GPATCH1: variants seen among roughly 807,000 people sequenced by gnomAD.
GPATCH1 encodes G-patch domain containing 1.
GPATCH1 carries 73 observed loss-of-function variants against 114.9 expected under a neutral mutation model. The ratio of observed to expected loss-of-function variants is 0.64; its 90% CI spans 0.53 to 0.77. GPATCH1 has a LOEUF of 0.77. GPATCH1 is among the 30% of genes least tolerant of loss of function. GPATCH1 has a pLI of 0.00. For synonymous variants in GPATCH1, 391 were observed against 428.4 expected, an observed-to-expected ratio of 0.91 and a Z score of 1.08; for missense variants, 1,058 against 1,144.3, an observed-to-expected ratio of 0.92 and a Z score of 1.09.
intron 1 of GPATCH1, among the ~76,000 whole-genome samples, chr19:33,084,231 G>C (rs1199236141): frequency 6.6e-6 from 1 of 152,154 alleles, no homozygotes; most frequent in Admixed American, 6.6e-5. Flanking sequence ...GACAGGCATT[G>C]GTAGAGGAGA....
In GPATCH1 at chr19:33,093,800, T is replaced by A. The variant is rs571960069; in HGVS notation, c.455+281T>A. 6.6e-5 allele frequency among the ~76,000 whole-genome samples: 10 copies of A among 152,308 alleles called. No individual in the cohort carries two copies. The South Asian group carries it at 1.9e-3, about 28-fold the overall frequency. On this transcript the variant is annotated intron_variant, in intron 4 of 19. Coordinates refer to ENST00000170564, the MANE Select transcript of GPATCH1 (RefSeq NM_018025.3). Reference sequence around the variant, plus strand: ...CCCCTCCAGACCTTATAGCCTCGCCTCTGTCTGCCTCCTTCTACCCTCACT... The same window carrying A: ...CCCCTCCAGACCTTATAGCCTCGCCACTGTCTGCCTCCTTCTACCCTCACT...
At chr19:33,115,511 T>TTTTTTTAA (rs1972907780) in intron 15 of GPATCH1, among the ~76,000 whole-genome samples, 1 of 151,594 alleles carries the variant, frequency 6.6e-6, no homozygotes. Flanking sequence ...TTTTTTTTTT[T>TTTTTTTAA]GAGATGAAGT....
intron 15 of GPATCH1, among the ~76,000 whole-genome samples, chr19:33,115,588 G>A (rs1018851842): frequency 6.0e-5 from 9 of 149,510 alleles, no homozygotes; most frequent in African/African-American, 1.5e-4. Flanking sequence ...TCTGCCTCCC[G>A]GGTTCAAGCA....
At chr19:33,126,773 G>C in intron 19 of GPATCH1, 40 bp downstream of exon 19, 1 of 1,481,668 alleles carries the variant, frequency 6.7e-7, no homozygotes. Flanking sequence ...GAAACCTTTA[G>C]AGGCTTATTG....
At chr19:33,086,632 T>C (rs1972536947) in intron 1 of GPATCH1, among the ~76,000 whole-genome samples, 2 of 152,080 alleles carry the variant, frequency 1.3e-5, no homozygotes, top group Non-Finnish European at 2.9e-5. Flanking sequence ...ATTTTTTGTA[T>C]CTTAGCAGAG....
chr19:33,101,391 C>T (rs1016113241), intron 8 of GPATCH1, 104 bp from the exon 9 acceptor site: 15 of 701,680 alleles, frequency 2.1e-5, no homozygotes, highest in African/African-American at 7.1e-5. Flanking sequence ...ATGTATGACA[C>T]GTACTATTTA....
intron 6 of GPATCH1, 89 bp downstream of exon 6, chr19:33,095,909 A>G (rs750671962): frequency 9.7e-6 from 9 of 928,402 alleles, no homozygotes; most frequent in Non-Finnish European, 1.6e-5. Flanking sequence ...AATTTTAGAA[A>G]TCAGATCCAA....
intron 17 of GPATCH1, 135 bp downstream of exon 17, chr19:33,119,252 C>T (rs941204682): frequency 1.8e-5 from 9 of 511,364 alleles, no homozygotes; most frequent in African/African-American, 5.8e-5. Flanking sequence ...ATTTTAAACC[C>T]GTTGTCTCCA....
At chr19:33,090,412 T>C (rs1209024406) in intron 2 of GPATCH1, among the ~76,000 whole-genome samples, 3 of 152,216 alleles carry the variant, frequency 2.0e-5, no homozygotes, top group Admixed American at 1.3e-4. Flanking sequence ...ATCATTTCTT[T>C]AGATATGTTA....
chr19:33,110,116 C>A, intron 11 of GPATCH1, 100 bp downstream of exon 11: 2 of 1,073,004 alleles, frequency 1.9e-6, no homozygotes, highest in Non-Finnish European at 2.7e-6. Context: ...GTATCCTGTT[C>A]TGTCAGTGTT....
At chr19:33,106,600 G>A (rs1972787454) in intron 9 of GPATCH1, 95 bp from the exon 10 acceptor site, 5 of 962,250 alleles carry the variant, frequency 5.2e-6, no homozygotes, top group East Asian at 2.4e-5. Flanking sequence ...GGGAAGGGGC[G>A]GGGTTAACAA....
intron 1 of GPATCH1, among the ~76,000 whole-genome samples, chr19:33,083,121 G>A (rs1972497203): frequency 6.6e-6 from 1 of 150,956 alleles, no homozygotes; most frequent in South Asian, 2.1e-4. Context: ...GGGGGCTCAT[G>A]TAGTCCCAGC....
chr19:33,083,997 A>G (rs1972508475), intron 1 of GPATCH1, among the ~76,000 whole-genome samples: 1 of 151,882 alleles, frequency 6.6e-6, no homozygotes, highest in Non-Finnish European at 1.5e-5. Context: ...TTTAGTAGAC[A>G]CAGGGTTTTA....
chr19:33,096,005 C>G (rs531110599), intron 6 of GPATCH1, among the ~76,000 whole-genome samples, 185 bp downstream of exon 6: 17 of 152,296 alleles, frequency 1.1e-4, no homozygotes, highest in African/African-American at 3.6e-4. Flanking sequence ...ACCACAGATA[C>G]CCAGGTCTGT....
chr19:33,089,307 C>T (rs1376050273), intron 2 of GPATCH1, among the ~76,000 whole-genome samples: 2 of 152,174 alleles, frequency 1.3e-5, no homozygotes, highest in African/African-American at 4.8e-5. Context: ...AGGGAAGAGT[C>T]ACCAGGTGCC....
rs1972859914 is a variant in GPATCH1 at position 33,111,905 on chromosome 19, C to T, written c.1764+3C>T. The T allele has an allele frequency of 6.2e-7, 1 of 1,607,910 alleles. No individual in the cohort carries two copies. Among genetic ancestry groups the T allele is most frequent in the Admixed American group, 1.7e-5 (1 of 59,966 alleles). On this transcript the variant is annotated splice_donor_region_variant and intron_variant, in intron 12 of 19. Transcript: ENST00000170564. The stretch of plus-strand genomic sequence containing the variant: ...TTGAAGTCCCTCGAGACCAAGAGGT[C>T]TGTTGTCACCATGTCCCTTACCTGG...
chr19:33,114,523 A>G, intron 15 of GPATCH1, 104 bp downstream of exon 15: 3 of 884,046 alleles, frequency 3.4e-6, no homozygotes, highest in South Asian at 3.8e-5. Flanking sequence ...GCAGCCAACT[A>G]TTGATCCATT....
chr19:33,097,743 G>C lies in GPATCH1; in HGVS notation c.853-12G>C, dbSNP rs776331190. 6.2e-7 allele frequency: 1 copy of C among 1,613,098 alleles called. No individual in the cohort carries two copies. Among genetic ancestry groups the C allele is most frequent in the Admixed American group, 1.7e-5 (1 of 59,938 alleles). ...ACACCTGTGCTCAGTTTGAAACCTTGTTTTTTTAAAGGCTTTTGGTGTAGG... is the reference window on the plus strand; with the variant it reads ...ACACCTGTGCTCAGTTTGAAACCTTCTTTTTTTAAAGGCTTTTGGTGTAGG... On this transcript the variant is annotated splice_polypyrimidine_tract_variant and intron_variant, in intron 7 of 19. Coordinates refer to ENST00000170564, the MANE Select transcript of GPATCH1 (RefSeq NM_018025.3).
At chr19:33,095,021 A>G (rs1972639628) in intron 5 of GPATCH1, among the ~76,000 whole-genome samples, 1 of 152,074 alleles carries the variant, frequency 6.6e-6, no homozygotes, top group South Asian at 2.1e-4. Flanking sequence ...AAAATTAGCC[A>G]GGTGTGGTGG....
Sources: allele counts gnomAD v4.1 joint callset (sites outside exome capture counted in the v4.1 genomes callset), GRCh38; gene constraint gnomAD v4.1.1; transcripts MANE v1.5; gene names NCBI Gene and HGNC (gene_info 2026-07-23, HGNC 2026-07-21).